DGCR2: variants seen among roughly 807,000 people sequenced by gnomAD.
DGCR2 encodes the protein DiGeorge syndrome critical region gene 2, also known as integral membrane protein DGCR2/IDD.
In DGCR2, 24 loss-of-function variants were observed where a neutral mutation model predicts 51.6. The ratio of observed to expected loss-of-function variants is 0.47; its 90% confidence interval spans 0.34 to 0.65. The LOEUF is 0.65. Among genes scored for constraint, DGCR2 ranks in the 30% least tolerant of loss-of-function variants. The pLI, the probability that DGCR2 is intolerant of heterozygous loss-of-function variation, is 0.01. For synonymous variants in DGCR2, 340 were observed against 315.4 expected (o/e 1.08, Z -0.82); for missense variants, 765 against 772.1 (o/e 0.99, Z 0.11).
At chr22:19,042,936 G>A (rs1052751037) in intron 7 of DGCR2, among the ~76,000 whole-genome samples, 4 of 152,092 alleles carry the variant, frequency 2.6e-5, no homozygotes, top group Admixed American at 1.3e-4. Flanking sequence ...TGGCATACAC[G>A]TGCAGATGAC....
chr22:19,080,631 T>C (rs2082925494), intron 2 of DGCR2, among the ~76,000 whole-genome samples: 1 of 151,930 alleles, frequency 6.6e-6, no homozygotes, highest in East Asian at 1.9e-4. Flanking sequence ...AGCCCCGGAG[T>C]TCAAGACCAG....
At chr22:19,046,779 C>T in intron 7 of DGCR2, 1 of 444,130 alleles carries the variant, frequency 2.3e-6, no homozygotes, top group Non-Finnish European at 4.6e-6. Flanking sequence ...GAGAGGGCTG[C>T]AGCTGCTCTG....
chr22:19,115,428 G>A (rs2146059164), intron 1 of DGCR2, among the ~76,000 whole-genome samples: 1 of 152,226 alleles, frequency 6.6e-6, no homozygotes, highest in South Asian at 2.1e-4. Context: ...ACCAGGGTGG[G>A]GCCCAGGCCA....
intron 2 of DGCR2, among the ~76,000 whole-genome samples, chr22:19,086,016 A>G (rs1172423763): frequency 6.6e-6 from 1 of 152,052 alleles, no homozygotes; most frequent in African/African-American, 2.4e-5. Context: ...TGAGGACTTG[A>G]CTCTATATCT....
chr22:19,090,467 C>T (rs1362489780), intron 1 of DGCR2, among the ~76,000 whole-genome samples: 1 of 152,190 alleles, frequency 6.6e-6, no homozygotes, highest in African/African-American at 2.4e-5. Context: ...ATCTAGATGA[C>T]AGCAGATTTC....
rs559002756 is a variant in DGCR2 at position 19,049,982 on chromosome 22, C to T, written c.803-1339G>A. Among the ~76,000 whole-genome samples, 35 of 152,076 alleles carry T rather than the reference C, an allele frequency of 2.3e-4. No individual in the cohort carries two copies. The South Asian group carries it at 6.4e-3, about 28-fold the overall frequency. ...AGAGCTCCCAGAGAAATGTGAAACA[C>T]CATTAAGTACACCAACATATGTGAA... On this transcript the variant is annotated intron_variant, in intron 6 of 9. Transcript: ENST00000263196.
chr22:19,117,823 TA>T (rs927575632), intron 1 of DGCR2, among the ~76,000 whole-genome samples: 32 of 152,176 alleles, frequency 2.1e-4, no homozygotes, highest in Admixed American at 6.5e-4. Flanking sequence ...GTAGAAAGTA[TA>T]TTACATCACT....
In DGCR2 at chr22:19,102,980, T is replaced by C. The variant is rs1182088150; in HGVS notation, c.80-13490A>G. Reference sequence around the variant, plus strand: ...ATGATTTGATTGCACCACTGCACTCTAGCCTTGACAACAGAGTGAGACCCT... The same window carrying C: ...ATGATTTGATTGCACCACTGCACTCCAGCCTTGACAACAGAGTGAGACCCT... On this transcript the variant is annotated intron_variant, in intron 1 of 9. Transcript: ENST00000263196. 2.0e-5 allele frequency among the ~76,000 whole-genome samples: 3 copies of C among 152,194 alleles called. No individual in the cohort carries two copies. The East Asian group carries it at 5.8e-4, about 29-fold the overall frequency.
At chr22:19,058,637 C>T (rs2082628455) in intron 5 of DGCR2, among the ~76,000 whole-genome samples, 1 of 152,210 alleles carries the variant, frequency 6.6e-6, no homozygotes, top group Admixed American at 6.5e-5. Flanking sequence ...CAATCTTTAA[C>T]AAACAAAAAA....
chr22:19,096,378 A>G (rs1011274484), intron 1 of DGCR2, among the ~76,000 whole-genome samples: 4 of 152,194 alleles, frequency 2.6e-5, no homozygotes, highest in African/African-American at 9.7e-5. Context: ...AGGTTGGTTA[A>G]TAGGTACAAA....
At chr22:19,072,335 A>G (rs960939077) in intron 2 of DGCR2, among the ~76,000 whole-genome samples, 3 of 152,190 alleles carry the variant, frequency 2.0e-5, no homozygotes, top group African/African-American at 7.2e-5. Context: ...GAGATTCCCA[A>G]CGAAACATAT....
chr22:19,092,021 T>C (rs1219333324), intron 1 of DGCR2, among the ~76,000 whole-genome samples: 2 of 151,916 alleles, frequency 1.3e-5, no homozygotes, highest in Non-Finnish European at 2.9e-5. Context: ...AATAAACCTC[T>C]AGACAGTCTG....
intron 2 of DGCR2, among the ~76,000 whole-genome samples, chr22:19,076,971 C>G (rs1201425542): frequency 6.6e-6 from 1 of 151,712 alleles, no homozygotes; most frequent in Non-Finnish European, 1.5e-5. Flanking sequence ...ACCTTGTGAT[C>G]CGCCGGCCTC....
At chr22:19,097,327 G>A (rs80241570) in intron 1 of DGCR2, among the ~76,000 whole-genome samples, 2,497 of 152,170 alleles carry the variant, frequency 0.016, 86 homozygotes, top group East Asian at 0.061. Flanking sequence ...AAGCCGAGGC[G>A]GGTGGATCAC....
chr22:19,106,877 G>A (rs2083265669), intron 1 of DGCR2, among the ~76,000 whole-genome samples: 1 of 151,786 alleles, frequency 6.6e-6, no homozygotes, highest in Non-Finnish European at 1.5e-5. Flanking sequence ...AAACTTTCCA[G>A]TTCTGAGCCA....
chr22:19,063,326 G>A (rs774061042), intron 4 of DGCR2, 48 bp from the exon 5 acceptor site: 11 of 1,556,418 alleles, frequency 7.1e-6, no homozygotes, highest in South Asian at 1.1e-5. Flanking sequence ...CAGGAGGGAT[G>A]CAACCATCAA....
chr22:19,041,935 A>G lies in DGCR2; in HGVS notation c.1031T>C (p.Met344Thr), dbSNP rs1408937189. 1.2e-6 allele frequency: 2 copies of G among 1,613,318 alleles called. No individual in the cohort carries two copies. The highest frequency in any genetic ancestry group is 1.7e-6 in the Non-Finnish European group (2 of 1,179,818). The stretch of plus-strand genomic sequence containing the variant: ...GACGACCAGGCGCATCCCGCTGGCC[A>G]TGGAGTCAAACAGACTGTTGCCATC... ...DPDGNSLFDS[M>T]ASGMRLVVSC... Residue 344 changes from methionine (M) to threonine (T), a missense_variant, in exon 8 of 10, where the codon ATG becomes ACG. Around this residue, in one of 3 missense-constraint regions of DGCR2, gnomAD observed 190 missense variants for 265.2 expected, o/e 0.72. Coordinates refer to ENST00000263196, the MANE Select transcript of DGCR2 (RefSeq NM_005137.3).
In DGCR2 at chr22:19,063,228, T is replaced by G. The variant is rs2082706402; in HGVS notation, c.599A>C (p.Glu200Ala). ...YVITGRNRSL[E>A]GRWEVAFKGS... ...TTTGAATGCCACCTCCCAGCGACCTTCCAAGGAGCGGTTCCGGCCAGTGAT... is the reference window on the plus strand; with the variant it reads ...TTTGAATGCCACCTCCCAGCGACCTGCCAAGGAGCGGTTCCGGCCAGTGAT... Residue 200 changes from glutamate (E) to alanine (A), a missense_variant, in exon 5 of 10, where the codon GAA becomes GCA. Transcript: ENST00000263196. 1 of 1,613,998 alleles carries G rather than the reference T, an allele frequency of 6.2e-7. No individual in the cohort carries two copies. Among genetic ancestry groups the G allele is most frequent in the Non-Finnish European group, 8.5e-7 (1 of 1,180,020 alleles).
intron 8 of DGCR2, 153 bp from the exon 9 acceptor site, chr22:19,041,447 C>T (rs1342036573): frequency 4.2e-6 from 3 of 709,008 alleles, no homozygotes; most frequent in Non-Finnish European, 7.1e-6. Flanking sequence ...TTCGGCATCC[C>T]CATGAGACCC....
Sources: gnomAD v4.1 joint callset for allele counts (sites outside exome capture counted in the v4.1 genomes callset) on GRCh38, gnomAD v4.1.1 for gene constraint, gnomAD v4.1.1 regional missense constraint, MANE v1.5 for transcripts, NCBI Gene and HGNC (gene_info 2026-07-23, HGNC 2026-07-21) for gene names.